ARHGAP15: variants seen among roughly 807,000 people sequenced by gnomAD.
The protein encoded by ARHGAP15 is Rho GTPase activating protein 15.
In ARHGAP15, 51 loss-of-function variants were observed where a neutral mutation model predicts 63.7. That is an observed-to-expected ratio of 0.80 (90% CI 0.64 to 1.01). The LOEUF (loss-of-function observed/expected upper bound fraction) is 1.01. Ranked by LOEUF, ARHGAP15 falls within the 50% of genes least tolerant of loss-of-function variation. ARHGAP15 has a pLI of 0.00. For synonymous variants in ARHGAP15, 191 were observed against 193.8 expected (o/e 0.99, Z 0.12); for missense variants, 560 against 564.6 (o/e 0.99, Z 0.08).
intron 13 of ARHGAP15, among the ~76,000 whole-genome samples, chr2:143,708,483 C>G (rs960401149): frequency 6.6e-6 from 1 of 152,144 alleles, no homozygotes; most frequent in South Asian, 2.1e-4. Flanking sequence ...CTGACTCAGC[C>G]AGTTTCCCAG....
rs576920639 is a variant in ARHGAP15 at position 143,743,012 on chromosome 2, C to T, written c.1245-24977C>T. Among the ~76,000 whole-genome samples the T allele has an allele frequency of 9.5e-4, 144 of 152,314 alleles. 2 individuals are homozygous for T. The highest frequency in any genetic ancestry group is 3.4e-3 in the African/African-American group (140 of 41,566). On this transcript the variant is annotated intron_variant, in intron 13 of 13. Coordinates refer to ENST00000295095, the MANE Select transcript of ARHGAP15 (RefSeq NM_018460.4). The stretch of plus-strand genomic sequence containing the variant: ...CAGGGGAAGAAAGGGGACAGGCTGG[C>T]TCCCAGCTCTGGGTCTAGAGACAAG...
At chr2:143,493,267 G>A (rs1008194806) in intron 9 of ARHGAP15, among the ~76,000 whole-genome samples, 2 of 152,056 alleles carry the variant, frequency 1.3e-5, no homozygotes, top group African/African-American at 4.8e-5. Context: ...GTTTTATGCT[G>A]TTTCACGTTA....
chr2:143,543,129 C>T (rs916830887), intron 10 of ARHGAP15, among the ~76,000 whole-genome samples: 1 of 151,676 alleles, frequency 6.6e-6, no homozygotes, highest in African/African-American at 2.4e-5. Context: ...TATTTTTTCC[C>T]ATAATTGTTG....
intron 11 of ARHGAP15, among the ~76,000 whole-genome samples, chr2:143,574,098 A>G (rs1696570476): frequency 1.3e-5 from 2 of 152,142 alleles, no homozygotes; most frequent in Non-Finnish European, 2.9e-5. Flanking sequence ...ACCTGAACCT[A>G]TTAAAGGAGA....
At chr2:143,593,733 T>G (rs1245966137) in intron 11 of ARHGAP15, among the ~76,000 whole-genome samples, 1 of 152,154 alleles carries the variant, frequency 6.6e-6, no homozygotes, top group Non-Finnish European at 1.5e-5. Context: ...ATAAAACTAT[T>G]TATTGAGTGC....
chr2:143,157,410 A>G (rs192611705), intron 2 of ARHGAP15, among the ~76,000 whole-genome samples: 68 of 151,960 alleles, frequency 4.5e-4, no homozygotes, highest in African/African-American at 1.6e-3. Flanking sequence ...CATTGTTGAT[A>G]TTACCTTGTT....
intron 4 of ARHGAP15, among the ~76,000 whole-genome samples, chr2:143,219,801 A>T (rs1221355897): frequency 2.6e-5 from 4 of 152,246 alleles, no homozygotes; most frequent in Non-Finnish European, 5.9e-5. Flanking sequence ...ACTGATAAGT[A>T]TTGAAGCTGA....
intron 6 of ARHGAP15, among the ~76,000 whole-genome samples, chr2:143,317,984 T>TAA (rs1355884025): frequency 6.6e-6 from 1 of 152,084 alleles, no homozygotes; most frequent in African/African-American, 2.4e-5. Context: ...TTATGGCACA[T>TAA]AAAACTACCC....
At chr2:143,613,460 A>G (rs906688549) in intron 11 of ARHGAP15, among the ~76,000 whole-genome samples, 2 of 152,166 alleles carry the variant, frequency 1.3e-5, no homozygotes, top group African/African-American at 4.8e-5. Context: ...ACATAATCCA[A>G]TTAACTGTAA....
intron 12 of ARHGAP15, among the ~76,000 whole-genome samples, chr2:143,690,706 T>C (rs1457560671): frequency 6.6e-6 from 1 of 152,148 alleles, no homozygotes; most frequent in African/African-American, 2.4e-5. Context: ...TTTTACATCA[T>C]AGAAAAAAAA....
intron 8 of ARHGAP15, among the ~76,000 whole-genome samples, chr2:143,451,607 G>A (rs1690411413): frequency 2.0e-5 from 3 of 151,812 alleles, no homozygotes; most frequent in African/African-American, 7.3e-5. Context: ...AGAGTTAAAT[G>A]TTCCTCTGCA....
At chr2:143,509,096 C>T (rs997431742) in intron 9 of ARHGAP15, among the ~76,000 whole-genome samples, 8 of 152,174 alleles carry the variant, frequency 5.3e-5, no homozygotes, top group East Asian at 1.9e-4. Context: ...GCAGCAACTC[C>T]GCTATCCTTG....
At chr2:143,373,134 C>G (rs1167287807) in intron 6 of ARHGAP15, among the ~76,000 whole-genome samples, 1 of 152,044 alleles carries the variant, frequency 6.6e-6, no homozygotes, top group South Asian at 2.1e-4. Flanking sequence ...CTTTATAACC[C>G]CTTTTGTATA....
intron 1 of ARHGAP15, 40 bp from the exon 2 acceptor site, chr2:143,155,437 G>T: frequency 6.8e-7 from 1 of 1,470,346 alleles, no homozygotes; most frequent in South Asian, 1.4e-5. Context: ...ATGGAAAATT[G>T]TATGTTTAGA....
intron 8 of ARHGAP15, among the ~76,000 whole-genome samples, chr2:143,443,907 T>G (rs1690013342): frequency 6.6e-6 from 1 of 152,166 alleles, no homozygotes; most frequent in Non-Finnish European, 1.5e-5. Flanking sequence ...TTCAAAACAT[T>G]CAGTTTTCAA....
chr2:143,716,398 T>C (rs915591559), intron 13 of ARHGAP15, among the ~76,000 whole-genome samples: 2 of 152,172 alleles, frequency 1.3e-5, no homozygotes, highest in African/African-American at 2.4e-5. Flanking sequence ...GTAGCAGATC[T>C]TGAAATACAA....
intron 9 of ARHGAP15, among the ~76,000 whole-genome samples, chr2:143,494,824 C>T (rs1238341888): frequency 6.6e-6 from 1 of 152,164 alleles, no homozygotes; most frequent in East Asian, 1.9e-4. Flanking sequence ...CCTCAAATAT[C>T]ATATATTTTC....
intron 12 of ARHGAP15, among the ~76,000 whole-genome samples, chr2:143,675,490 T>C (rs937780048): frequency 6.6e-6 from 1 of 152,184 alleles, no homozygotes; most frequent in Non-Finnish European, 1.5e-5. Context: ...AGCCATAGCC[T>C]TATAAAATGT....
chr2:143,582,420 T>C (rs1039815577), intron 11 of ARHGAP15, among the ~76,000 whole-genome samples: 1 of 152,136 alleles, frequency 6.6e-6, no homozygotes, highest in South Asian at 2.1e-4. Flanking sequence ...GCAGACTCTG[T>C]GCTTTTGATT....
Sources: allele counts gnomAD v4.1 joint callset (sites outside exome capture counted in the v4.1 genomes callset), GRCh38; gene constraint gnomAD v4.1.1; transcripts MANE v1.5; gene names NCBI Gene and HGNC (gene_info 2026-07-23, HGNC 2026-07-21).